ANGPT1: variants seen among roughly 807,000 people sequenced by gnomAD.
ANGPT1 encodes angiopoietin 1.
ANGPT1 carries 17 observed loss-of-function variants against 62.2 expected under a neutral mutation model. The observed-to-expected ratio is 0.27, with a 90% CI of 0.19 to 0.41. The LOEUF (loss-of-function observed/expected upper bound fraction) is 0.41, where lower values mean the gene tolerates loss of function less well. Among genes scored for constraint, ANGPT1 ranks in the 10% least tolerant of loss-of-function variants. The pLI is 1.00. For missense variants in ANGPT1, 478 were observed against 594.9 expected (o/e 0.80, Z 2.04); for synonymous variants, 199 against 198.9 (o/e 1.00, Z 0.00).
At chr8:107,469,889 AC>A (rs1812300938) in intron 1 of ANGPT1, among the ~76,000 whole-genome samples, 1 of 152,170 alleles carries the variant, frequency 6.6e-6, no homozygotes, top group Non-Finnish European at 1.5e-5. Flanking sequence ...ACACCATCAT[AC>A]CACATCTTAA....
At chr8:107,380,547 AG>A (rs1816617298) in intron 1 of ANGPT1, among the ~76,000 whole-genome samples, 2 of 152,048 alleles carry the variant, frequency 1.3e-5, no homozygotes, top group East Asian at 3.9e-4. Context: ...TATTTCTTAA[AG>A]CAATTGGTTA....
At chr8:107,346,486 A>G (rs760580051) in intron 2 of ANGPT1, among the ~76,000 whole-genome samples, 10 of 152,194 alleles carry the variant, frequency 6.6e-5, no homozygotes, top group Non-Finnish European at 5.9e-5. Context: ...ATGTATATAC[A>G]CACATATTCC....
intron 1 of ANGPT1, among the ~76,000 whole-genome samples, chr8:107,363,745 G>A (rs1816215666): frequency 6.6e-6 from 1 of 152,076 alleles, no homozygotes; most frequent in Non-Finnish European, 1.5e-5. Flanking sequence ...TGTGACAGAT[G>A]GCATTGGACA....
intron 1 of ANGPT1, among the ~76,000 whole-genome samples, chr8:107,436,094 T>C (rs1811325265): frequency 6.6e-6 from 1 of 152,094 alleles, no homozygotes; most frequent in South Asian, 2.1e-4. Context: ...TTTGTAGAGA[T>C]GGGGTCTCTC....
chr8:107,324,992 C>G (rs926540219), intron 3 of ANGPT1, among the ~76,000 whole-genome samples: 1 of 152,062 alleles, frequency 6.6e-6, no homozygotes, highest in Non-Finnish European at 1.5e-5. Context: ...TTTAAAAATT[C>G]TTTTGGAAAT....
At chr8:107,485,380 C>A (rs1479595841) in intron 1 of ANGPT1, among the ~76,000 whole-genome samples, 2 of 152,112 alleles carry the variant, frequency 1.3e-5, no homozygotes, top group Non-Finnish European at 2.9e-5. Context: ...GCTTTGTCCT[C>A]TTTGGGTCTC....
At chr8:107,450,725 T>G (rs113659249) in intron 1 of ANGPT1, among the ~76,000 whole-genome samples, 5,629 of 151,148 alleles carry the variant, frequency 0.037, 370 homozygotes, top group African/African-American at 0.13. Context: ...TGTGTGTGTG[T>G]GTGTGCATGT....
intron 4 of ANGPT1, among the ~76,000 whole-genome samples, chr8:107,316,004 T>TAA (rs1815005195): frequency 6.6e-6 from 1 of 152,180 alleles, no homozygotes; most frequent in African/African-American, 2.4e-5. Context: ...TATCCCAAAC[T>TAA]AAAACTCACT....
intron 3 of ANGPT1, among the ~76,000 whole-genome samples, chr8:107,332,057 C>A (rs1385304983): frequency 6.6e-6 from 1 of 152,084 alleles, no homozygotes; most frequent in Non-Finnish European, 1.5e-5. Context: ...ACTAACAGAC[C>A]CAGTCACATA....
At chr8:107,278,059 C>T (rs1391778592) in intron 7 of ANGPT1, among the ~76,000 whole-genome samples, 1 of 150,818 alleles carries the variant, frequency 6.6e-6, no homozygotes, top group Admixed American at 6.6e-5. Flanking sequence ...TTTAAAAAGT[C>T]TGTTTGCTCT....
intron 5 of ANGPT1, among the ~76,000 whole-genome samples, chr8:107,297,892 G>A (rs146785854): frequency 2.1e-4 from 32 of 151,658 alleles, no homozygotes; most frequent in African/African-American, 7.2e-4. Flanking sequence ...ACAGATGAAG[G>A]AAATTTAAAA....
At chr8:107,286,983 A>G (rs1296875554) in intron 6 of ANGPT1, among the ~76,000 whole-genome samples, 1 of 152,198 alleles carries the variant, frequency 6.6e-6, no homozygotes, top group Non-Finnish European at 1.5e-5. Flanking sequence ...TTAGCACTTT[A>G]TCAATTACAA....
intron 7 of ANGPT1, among the ~76,000 whole-genome samples, chr8:107,267,173 C>G (rs189378447): frequency 8.5e-5 from 13 of 152,240 alleles, no homozygotes; most frequent in African/African-American, 2.9e-4. Context: ...AAAACAACCT[C>G]TCTCCATGTG....
At chr8:107,386,073 A>T (rs891416697) in intron 1 of ANGPT1, among the ~76,000 whole-genome samples, 1 of 152,232 alleles carries the variant, frequency 6.6e-6, no homozygotes, top group South Asian at 2.1e-4. Flanking sequence ...TTAAAAAAAA[A>T]TCAGATCCTG....
chr8:107,254,922 T>C (rs1813324157), intron 8 of ANGPT1, among the ~76,000 whole-genome samples: 1 of 151,974 alleles, frequency 6.6e-6, no homozygotes, highest in East Asian at 1.9e-4. Flanking sequence ...TAATCAAACA[T>C]GGTTTAGAGT....
intron 1 of ANGPT1, among the ~76,000 whole-genome samples, chr8:107,416,521 G>C (rs2130367859): frequency 6.6e-6 from 1 of 152,270 alleles, no homozygotes. Context: ...GCTTCCCTGA[G>C]TTCAGCTGTC....
rs768001059 is a variant in ANGPT1 at position 107,497,600 on chromosome 8, G to C, written c.-42C>G. 7.6e-6 allele frequency: 12 copies of C among 1,581,758 alleles called. No individual in the cohort carries two copies. The Admixed American group carries it at 1.4e-4, about 19-fold the overall frequency. On this transcript the variant is annotated 5_prime_UTR_variant, in exon 1 of 9. Coordinates refer to ENST00000517746, the MANE Select transcript of ANGPT1 (RefSeq NM_001146.5). Reference sequence around the variant, plus strand: ...TCCTTCCGTGCCTCTCGCAAAACTTGCTCCTTTCTTCTGACCTCTAAAACT... The same window carrying C: ...TCCTTCCGTGCCTCTCGCAAAACTTCCTCCTTTCTTCTGACCTCTAAAACT...
chr8:107,405,390 T>C (rs1421379830), intron 1 of ANGPT1, among the ~76,000 whole-genome samples: 1 of 151,972 alleles, frequency 6.6e-6, no homozygotes, highest in African/African-American at 2.4e-5. Flanking sequence ...AACCTAAAAA[T>C]CCCAAATCTG....
intron 7 of ANGPT1, among the ~76,000 whole-genome samples, chr8:107,282,552 C>CTATATA (rs1814036865): frequency 3.9e-5 from 1 of 25,880 alleles, no homozygotes; most frequent in Non-Finnish European, 7.8e-5. Context: ...CATATATGAA[C>CTATATA]CATATATATA....
Sources: gnomAD v4.1 joint callset for allele counts (sites outside exome capture counted in the v4.1 genomes callset) on GRCh38, gnomAD v4.1.1 for gene constraint, MANE v1.5 for transcripts, NCBI Gene and HGNC (gene_info 2026-07-23, HGNC 2026-07-21) for gene names.